Variants in GPR89B observed in about 807,000 individuals in gnomAD.
GPR89B encodes the protein G protein-coupled receptor 89B.
GPR89B carries 25 observed loss-of-function variants against 52.4 expected under a neutral mutation model. The ratio of observed to expected loss-of-function variants is 0.48; its 90% confidence interval spans 0.35 to 0.67. GPR89B has a LOEUF of 0.67. Among genes scored for constraint, GPR89B ranks in the 30% least tolerant of loss-of-function variants. The pLI is 0.01. For synonymous variants in GPR89B, 52 were observed against 151.2 expected, an observed-to-expected ratio of 0.34 and a Z score of 4.81; for missense variants, 146 against 450.2, an observed-to-expected ratio of 0.32 and a Z score of 6.11.
At chr1:147,963,303 G>A (rs1406723953) in intron 7 of GPR89B, among the ~76,000 whole-genome samples, 1 of 151,958 alleles carries the variant, frequency 6.6e-6, no homozygotes, top group Non-Finnish European at 1.5e-5. Flanking sequence ...TTGAACCTGG[G>A]AGGCGGAGGT....
intron 5 of GPR89B, among the ~76,000 whole-genome samples, chr1:147,950,098 G>C (rs1347223942): frequency 6.6e-6 from 1 of 151,656 alleles, no homozygotes; most frequent in Non-Finnish European, 1.5e-5. Flanking sequence ...CCTCCCGGAC[G>C]GGGTGGCTGC....
intron 7 of GPR89B, among the ~76,000 whole-genome samples, chr1:147,964,562 C>T (rs1280042122): frequency 9.2e-5 from 14 of 151,918 alleles, no homozygotes; most frequent in African/African-American, 2.2e-4. Flanking sequence ...TTCCTATTCA[C>T]GCTTCGGAAG....
the GPR89B span, among the ~76,000 whole-genome samples, chr1:148,013,658 G>C: frequency 6.6e-6 from 1 of 152,024 alleles, no homozygotes; most frequent in Non-Finnish European, 1.5e-5. Flanking sequence ...CCCTCCAGGA[G>C]GAGCGAGGAG....
chr1:147,991,239 G>T (rs1370382613), intron 12 of GPR89B, among the ~76,000 whole-genome samples: 3 of 151,760 alleles, frequency 2.0e-5, no homozygotes, highest in African/African-American at 7.3e-5. Flanking sequence ...TCATGATTTG[G>T]CTCTCTGTTT....
downstream of GPR89B, chr1:147,995,683 G>T: frequency 1.2e-6 from 2 of 1,609,120 alleles, no homozygotes; most frequent in Non-Finnish European, 1.7e-6. Context: ...GATCAGCCAG[G>T]GAGGAAACAA....
chr1:148,020,538 A>G, the GPR89B span, among the ~76,000 whole-genome samples: 3 of 150,988 alleles, frequency 2.0e-5, no homozygotes, highest in Non-Finnish European at 4.4e-5. Context: ...CATTTCCGGC[A>G]AATGCAGCGT....
chr1:148,015,392 G>C, the GPR89B span, among the ~76,000 whole-genome samples: 146 of 144,148 alleles, frequency 1.0e-3, no homozygotes, highest in African/African-American at 2.6e-3. Context: ...TCGGCTCATT[G>C]CAACCTCCGA....
rs1174595676 is a variant in GPR89B at position 147,970,491 on chromosome 1, A to ATCTCTCTCTC, written c.909+566_909+575dup. 7.6e-3 allele frequency among the ~76,000 whole-genome samples: 802 copies of ATCTCTCTCTC among 105,690 alleles called. 5 individuals are homozygous for ATCTCTCTCTC. Among genetic ancestry groups the ATCTCTCTCTC allele is most frequent in the East Asian group, 0.041 (124 of 3,010 alleles). The allele number at this position is 105,690 out of a possible 152,430, so 69.3% of individuals were successfully genotyped here. A position where few individuals can be genotyped will look rare whatever the true frequency, so the allele number is the denominator to read the frequency against. On this transcript the variant is annotated intron_variant, in intron 10 of 13. Coordinates refer to ENST00000314163, the MANE Select transcript of GPR89B (RefSeq NM_016334.5). ...CAGCCTGGGGAGAGGGTGAGACTCC[A>ATCTCTCTCTC]TCTCTCTCTCTCTCTCTCTCTCTCT...
the GPR89B span, among the ~76,000 whole-genome samples, chr1:148,014,243 G>A: frequency 6.6e-6 from 1 of 151,762 alleles, no homozygotes; most frequent in South Asian, 2.1e-4. Context: ...CCAAGCTCTT[G>A]GTCAAGGCTT....
chr1:147,932,172 T>C (rs1653688313), intron 1 of GPR89B, among the ~76,000 whole-genome samples: 3 of 152,070 alleles, frequency 2.0e-5, no homozygotes, highest in Admixed American at 2.0e-4. Flanking sequence ...TCATAAGTCA[T>C]ATAAATATGG....
intron 2 of GPR89B, among the ~76,000 whole-genome samples, chr1:147,937,517 T>C (rs1396308080): frequency 2.6e-5 from 4 of 152,140 alleles, no homozygotes; most frequent in African/African-American, 9.7e-5. Context: ...GGGTGTATTT[T>C]AGTCCTATCT....
intron 5 of GPR89B, among the ~76,000 whole-genome samples, chr1:147,951,296 G>C (rs1226501810): frequency 9.2e-5 from 14 of 151,972 alleles, no homozygotes; most frequent in African/African-American, 3.4e-4. Flanking sequence ...GAAATGCTTA[G>C]AACAGTGCCT....
intron 10 of GPR89B, among the ~76,000 whole-genome samples, chr1:147,982,220 C>T (rs1215666587): frequency 6.6e-5 from 10 of 151,624 alleles, no homozygotes; most frequent in African/African-American, 1.5e-4. Context: ...CAACCACTCC[C>T]GGCTAACTTT....
At chr1:148,022,572 A>AT in the GPR89B span, among the ~76,000 whole-genome samples, 1 of 136,554 alleles carries the variant, frequency 7.3e-6, no homozygotes, top group South Asian at 2.5e-4. Context: ...TGTGCATAAT[A>AT]GTCCTCTACT....
chr1:147,965,945 C>G (rs1369364789), intron 7 of GPR89B, among the ~76,000 whole-genome samples: 2 of 151,762 alleles, frequency 1.3e-5, no homozygotes, highest in Non-Finnish European at 2.9e-5. Flanking sequence ...CTCCTAGGTT[C>G]AAGCGATTCT....
At chr1:148,010,536 G>A in the GPR89B span, 1 of 152,294 alleles carries the variant, frequency 6.6e-6, no homozygotes, top group Non-Finnish European at 1.5e-5. Context: ...GAGGTGTAGA[G>A]GAAGAGAAGC....
chr1:148,018,264 A>C, the GPR89B span, among the ~76,000 whole-genome samples: 1 of 142,702 alleles, frequency 7.0e-6, no homozygotes, highest in East Asian at 2.0e-4. Context: ...TAAAAATACA[A>C]AAAAAATAGC....
intron 12 of GPR89B, 115 bp from the exon 13 acceptor site, chr1:147,992,387 A>G: frequency 2.6e-6 from 2 of 777,614 alleles, no homozygotes; most frequent in East Asian, 2.4e-5. Flanking sequence ...ATTGTTCTAT[A>G]CAGGATTGTG....
chr1:148,018,886 G>A, the GPR89B span, among the ~76,000 whole-genome samples: 5 of 151,726 alleles, frequency 3.3e-5, no homozygotes, highest in East Asian at 1.9e-4. Flanking sequence ...GGCTGGTCTC[G>A]AACTCCTGAC....
Sources: gnomAD v4.1 joint callset for allele counts (sites outside exome capture counted in the v4.1 genomes callset) on GRCh38, gnomAD v4.1.1 for gene constraint, MANE v1.5 for transcripts, NCBI Gene and HGNC (gene_info 2026-07-23, HGNC 2026-07-21) for gene names.